The following TSTD2 variants were observed in gnomAD, a reference collection of about 807,000 sequenced individuals.
TSTD2 encodes the protein thiosulfate sulfurtransferase/rhodanese-like domain-containing protein 2.
In TSTD2, 37 loss-of-function variants were observed where a neutral mutation model predicts 47.9. The observed-to-expected ratio is 0.77, with a 90% CI of 0.59 to 1.02. The LOEUF (loss-of-function observed/expected upper bound fraction) is 1.02, where lower values mean the gene tolerates loss of function less well. Among genes scored for constraint, TSTD2 ranks in the 50% least tolerant of loss-of-function variants. The pLI, the probability that TSTD2 is intolerant of heterozygous loss-of-function variation, is 0.00. For synonymous variants in TSTD2, 201 were observed against 215.9 expected (o/e 0.93, Z 0.61); for missense variants, 586 against 616.0 (o/e 0.95, Z 0.52).
chr9:97,600,480 G>T lies in TSTD2; in HGVS notation c.*1989C>A. 1.0e-6 allele frequency: 1 copy of T among 985,638 alleles called. No individual in the cohort carries two copies. Among genetic ancestry groups the T allele is most frequent in the Non-Finnish European group, 1.2e-6 (1 of 830,112 alleles). 61.1% of individuals were successfully genotyped at this position (985,638 alleles called of 1,614,324 possible). ...TTTCCTTATTGAATGCCAACCTTAT[G>T]ATGGATGTGAAAATCTACGGCCAAA... On this transcript the variant is annotated 3_prime_UTR_variant, in exon 10 of 10. Transcript: ENST00000341170.
At chr9:97,629,957 A>G (rs1826783684) in intron 1 of TSTD2, among the ~76,000 whole-genome samples, 2 of 152,254 alleles carry the variant, frequency 1.3e-5, no homozygotes, top group South Asian at 2.1e-4. Flanking sequence ...CTGTCCCAGC[A>G]TTTATGCTTT....
At chr9:97,614,848 A>C (rs10983035) in intron 4 of TSTD2, among the ~76,000 whole-genome samples, 21,886 of 152,246 alleles carry the variant, frequency 0.14, 2,066 homozygotes, top group East Asian at 0.34. Context: ...ACAGTGCTGC[A>C]GTCTAGTGAA....
chr9:97,600,489 G>C lies in TSTD2; in HGVS notation c.*1980C>G, dbSNP rs1308157700. The C allele has an allele frequency of 1.0e-6, 1 of 985,508 alleles. No homozygotes were observed. The highest frequency in any genetic ancestry group is 1.2e-6 in the Non-Finnish European group (1 of 830,110). 61.0% of individuals were successfully genotyped at this position (985,508 alleles called of 1,614,324 possible). A position where few individuals can be genotyped will look rare whatever the true frequency, so the allele number is the denominator to read the frequency against. The stretch of plus-strand genomic sequence containing the variant: ...TGAATGCCAACCTTATGATGGATGT[G>C]AAAATCTACGGCCAAATACTTTTGA... On this transcript the variant is annotated 3_prime_UTR_variant, in exon 10 of 10. Coordinates refer to ENST00000341170, the MANE Select transcript of TSTD2 (RefSeq NM_139246.5).
At chr9:97,608,025 C>CA (rs952567271) in intron 6 of TSTD2, among the ~76,000 whole-genome samples, 7 of 151,922 alleles carry the variant, frequency 4.6e-5, no homozygotes, top group Admixed American at 3.3e-4. Flanking sequence ...ACTAAAAATA[C>CA]AAAAAAAATT....
In TSTD2 at chr9:97,600,162, C is replaced by T. The variant is rs992047810; in HGVS notation, c.*2307G>A. ...AAAACTGATTATCATTCTTTATTAACCCTCCTTGGAATTTTGAAAACCTCG... is the reference window on the plus strand; with the variant it reads ...AAAACTGATTATCATTCTTTATTAATCCTCCTTGGAATTTTGAAAACCTCG... On this transcript the variant is annotated 3_prime_UTR_variant, in exon 10 of 10. Transcript: ENST00000341170. 21 of 998,208 alleles carry T rather than the reference C, an allele frequency of 2.1e-5. No individual in the cohort carries two copies. The highest frequency in any genetic ancestry group is 2.5e-5 in the Non-Finnish European group (21 of 836,236). The allele number at this position is 998,208 out of a possible 1,614,324, so 61.8% of individuals were successfully genotyped here. A position where few individuals can be genotyped will look rare whatever the true frequency, so the allele number is the denominator to read the frequency against.
chr9:97,622,669 G>A (rs558733741), intron 3 of TSTD2, among the ~76,000 whole-genome samples: 9 of 152,256 alleles, frequency 5.9e-5, no homozygotes, highest in East Asian at 1.9e-4. Flanking sequence ...CCACAAAGGC[G>A]GAGTTGCCCA....
chr9:97,623,165 G>T (rs1426578252), intron 3 of TSTD2, among the ~76,000 whole-genome samples: 1 of 152,170 alleles, frequency 6.6e-6, no homozygotes. Context: ...TGAATCACGG[G>T]GATGAGTCTT....
In TSTD2 at chr9:97,611,514, A is replaced by G. The variant is rs1826458864; in HGVS notation, c.729+60T>C. 14 of 1,519,872 alleles carry G rather than the reference A, an allele frequency of 9.2e-6. No homozygotes were observed. In the South Asian group the frequency reaches 1.8e-4, roughly 19 times the overall value. The allele number at this position is 1,519,872 out of a possible 1,614,324, so 94.1% of individuals were successfully genotyped here. A position where few individuals can be genotyped will look rare whatever the true frequency, so the allele number is the denominator to read the frequency against. On this transcript the variant is annotated intron_variant, in intron 5 of 9. Transcript: ENST00000341170. ...TCTCTACTTTGAACTCCTCTTCAAT[A>G]ACATGCACAGAGGCAGAAGCAGATG...
intron 1 of TSTD2, among the ~76,000 whole-genome samples, chr9:97,630,275 C>T (rs980280444): frequency 2.0e-5 from 3 of 152,140 alleles, no homozygotes; most frequent in Non-Finnish European, 4.4e-5. Context: ...CCCACCACCC[C>T]AAAATGATCT....
rs1236860336 is a variant in TSTD2, at chr9:97,625,996, G to A, written c.167C>T (p.Ala56Val). 6.2e-7 allele frequency: 1 copy of A among 1,605,110 alleles called. No homozygotes were observed. Among genetic ancestry groups the A allele is most frequent in the Admixed American group, 1.7e-5 (1 of 58,370 alleles). Residue 56 changes from alanine (A) to valine (V), a missense_variant and splice_region_variant, in exon 3 of 10, where the codon GCC becomes GTC. Ala to Val is a moderately conservative substitution (Grantham distance 64). Coordinates refer to ENST00000341170, the MANE Select transcript of TSTD2 (RefSeq NM_139246.5). ...KKKYSFAKKK[A>V]FALFVKTKEV... ...TTTGGTTTTGACAAAAAGGGCAAAG[G>A]CCTGCAATTAGATTTCAAATGCTAA...
At position 97,600,150 on chromosome 9, in the gene TSTD2, ATTCT is replaced by A. The variant is rs771997181; in HGVS notation, c.*2315_*2318del. 60 of 1,001,432 alleles carry A rather than the reference ATTCT, an allele frequency of 6.0e-5. No individual in the cohort carries two copies. The highest frequency in any genetic ancestry group is 6.6e-5 in the Non-Finnish European group (55 of 837,924). 62.0% of individuals were successfully genotyped at this position (1,001,432 alleles called of 1,614,324 possible). A position where few individuals can be genotyped will look rare whatever the true frequency, so the allele number is the denominator to read the frequency against. ...CTATTAGCAAATAAAACTGATTATC[ATTCT>A]TTATTAACCCTCCTTGGAATTTTGA... On this transcript the variant is annotated 3_prime_UTR_variant, in exon 10 of 10. Transcript: ENST00000341170.
Position 97,601,110 on chromosome 9 carries a change from GT to G in TSTD2, c.*1358del. 1 of 1,304,316 alleles carries G rather than the reference GT, an allele frequency of 7.7e-7. No individual in the cohort carries two copies. The highest frequency in any genetic ancestry group is 1.0e-6 in the Non-Finnish European group (1 of 988,950). The allele number at this position is 1,304,316 out of a possible 1,614,324, so 80.8% of individuals were successfully genotyped here. A position where few individuals can be genotyped will look rare whatever the true frequency, so the allele number is the denominator to read the frequency against. On this transcript the variant is annotated 3_prime_UTR_variant, in exon 10 of 10. Coordinates refer to ENST00000341170, the MANE Select transcript of TSTD2 (RefSeq NM_139246.5). ...CAGGGCCTCAGCGCTATGGAAGAGT[GT>G]CCACTGAGGCTGCACATGGCCCAGG...
Position 97,601,508 on chromosome 9 carries a change from G to C in TSTD2, c.*961C>G. On this transcript the variant is annotated 3_prime_UTR_variant, in exon 10 of 10. Transcript: ENST00000341170. ...ATCAGAGGAAATCTCTCATAGAAACGAAACCAAACCAACAGAAAATGAAGA... is the reference window on the plus strand; with the variant it reads ...ATCAGAGGAAATCTCTCATAGAAACCAAACCAAACCAACAGAAAATGAAGA... 1.0e-6 allele frequency: 1 copy of C among 989,156 alleles called. No individual in the cohort carries two copies. The highest frequency in any genetic ancestry group is 1.2e-6 in the Non-Finnish European group (1 of 832,196). 61.3% of individuals were successfully genotyped at this position (989,156 alleles called of 1,614,324 possible). A position where few individuals can be genotyped will look rare whatever the true frequency, so the allele number is the denominator to read the frequency against.
At chr9:97,631,783 A>G (rs999876704) in intron 1 of TSTD2, among the ~76,000 whole-genome samples, 20 of 152,132 alleles carry the variant, frequency 1.3e-4, no homozygotes, top group African/African-American at 4.6e-4. Flanking sequence ...GGCAGAGGTT[A>G]CAACGAGCCA....
intron 3 of TSTD2, among the ~76,000 whole-genome samples, chr9:97,623,339 G>C (rs1421523395): frequency 6.6e-6 from 1 of 152,142 alleles, no homozygotes; most frequent in East Asian, 1.9e-4. Context: ...CTGCCATGCG[G>C]AACTGTTAAG....
chr9:97,611,766 C>A, intron 4 of TSTD2, 67 bp from the exon 5 acceptor site: 4 of 1,525,624 alleles, frequency 2.6e-6, no homozygotes, highest in Admixed American at 3.4e-5. Context: ...CAGGGAAGAA[C>A]AATAGGCTCA....
intron 3 of TSTD2, among the ~76,000 whole-genome samples, chr9:97,625,219 A>C (rs2131316945): frequency 6.6e-6 from 1 of 152,360 alleles, no homozygotes; most frequent in South Asian, 2.1e-4. Context: ...CACTCAGCAT[A>C]AGGATTTTCT....
In TSTD2 at chr9:97,624,151, T is replaced by C. The variant is rs188153331; in HGVS notation, c.482+1530A>G. Among the ~76,000 whole-genome samples the C allele has an allele frequency of 8.1e-4, 123 of 152,298 alleles. 2 individuals carry two copies. The highest frequency in any genetic ancestry group is 7.9e-3 in the East Asian group (41 of 5,178). On this transcript the variant is annotated intron_variant, in intron 3 of 9. Transcript: ENST00000341170. ...GCCTCCTGGTATTTAGACCCTTGCA[T>C]AGTTCTCTCCTAGACTGTACTGAGG... is the stretch of plus-strand genomic sequence containing the variant.
At chr9:97,616,998 T>C (rs1206680648) in intron 4 of TSTD2, among the ~76,000 whole-genome samples, 1 of 152,254 alleles carries the variant, frequency 6.6e-6, no homozygotes, top group Non-Finnish European at 1.5e-5. Context: ...GTCTACTACA[T>C]GCTAAGCTCT....
Sources: allele counts gnomAD v4.1 joint callset (sites outside exome capture counted in the v4.1 genomes callset), GRCh38; gene constraint gnomAD v4.1.1; transcripts MANE v1.5; gene names NCBI Gene and HGNC (gene_info 2026-07-23, HGNC 2026-07-21).